Variants in CDA observed in about 807,000 individuals in gnomAD.
CDA encodes cytidine deaminase.
A neutral mutation model predicts 15.0 loss-of-function variants in CDA; 7 were observed. The observed-to-expected ratio is 0.47, with a 90% confidence interval of 0.26 to 0.87. The LOEUF (loss-of-function observed/expected upper bound fraction) is 0.87. Ranked by LOEUF, CDA falls within the 40% of genes least tolerant of loss-of-function variation. CDA has a pLI of 0.15. For missense variants in CDA, 159 were observed against 182.7 expected (o/e 0.87, Z 0.75); for synonymous variants, 58 against 73.0 (o/e 0.79, Z 1.05).
Position 20,609,251 on chromosome 1 carries a change from G to A in CDA, c.266+4212G>A, listed in dbSNP as rs577148715. Among the ~76,000 whole-genome samples the A allele has an allele frequency of 7.9e-5, 12 of 152,276 alleles. No individual in the cohort carries two copies. In the South Asian group the frequency reaches 1.2e-3, roughly 16 times the overall value. On this transcript the variant is annotated intron_variant, in intron 2 of 3. Coordinates refer to ENST00000375071, the MANE Select transcript of CDA (RefSeq NM_001785.3). ...TATAATCCCAGCACTTTGGAAGGCC[G>A]AGGCAGGCGGATCATGAGGTCAGGA...
In CDA at chr1:20,609,955, A is replaced by G. The variant is rs150116797; in HGVS notation, c.267-3887A>G. ...TTTCATTGACTGGACCCCCACATGT[A>G]AAAGGTAGTAATGGTGAGGATTAGA... is the stretch of plus-strand genomic sequence containing the variant. On this transcript the variant is annotated intron_variant, in intron 2 of 3. Coordinates refer to ENST00000375071, the MANE Select transcript of CDA (RefSeq NM_001785.3). Among the ~76,000 whole-genome samples the G allele has an allele frequency of 1.6e-3, 241 of 152,312 alleles. 1 individual carries two copies. Among genetic ancestry groups the G allele is most frequent in the African/African-American group, 5.3e-3 (219 of 41,572 alleles).
chr1:20,608,070 AG>A (rs151184069), intron 2 of CDA, among the ~76,000 whole-genome samples: 15,769 of 152,220 alleles, frequency 0.1, 985 homozygotes, highest in East Asian at 0.18. Context: ...GTAAATAGCC[AG>A]CAAAAGGCAG....
At chr1:20,598,010 C>T (rs2052605405) in intron 1 of CDA, among the ~76,000 whole-genome samples, 1 of 151,854 alleles carries the variant, frequency 6.6e-6, no homozygotes, top group African/African-American at 2.4e-5. Flanking sequence ...GAAAATTCCA[C>T]TCTTTCAATA....
At position 20,599,632 on chromosome 1, in the gene CDA, T is replaced by TAAAATAAAATAAAATAAAATAAAAC. The variant is rs1476017023; in HGVS notation, c.155-5277_155-5276insTAAAACAAAATAAAATAAAATAAAA. On this transcript the variant is annotated intron_variant, in intron 1 of 3. Coordinates refer to ENST00000375071, the MANE Select transcript of CDA (RefSeq NM_001785.3). ...ACTCCGTCTCCAAAATAAAATAAAATAAAATAAAATAAAATAAAACAAAAT... is the reference window on the plus strand; with the variant it reads ...ACTCCGTCTCCAAAATAAAATAAAATAAAATAAAATAAAATAAAATAAAACAAAATAAAATAAAATAAAACAAAAT... 6.3e-3 allele frequency among the ~76,000 whole-genome samples: 912 copies of TAAAATAAAATAAAATAAAATAAAAC among 145,722 alleles called. 14 individuals carry two copies. The highest frequency in any genetic ancestry group is 0.022 in the African/African-American group (815 of 37,380).
chr1:20,597,894 C>CTTT (rs35045423), intron 1 of CDA, among the ~76,000 whole-genome samples: 1 of 138,716 alleles, frequency 7.2e-6, no homozygotes, highest in African/African-American at 2.7e-5. Flanking sequence ...TTTTATTTGC[C>CTTT]TTTTTTTTTT....
intron 2 of CDA, among the ~76,000 whole-genome samples, chr1:20,612,185 C>T (rs535306900): frequency 6.6e-6 from 1 of 152,270 alleles, no homozygotes; most frequent in African/African-American, 2.4e-5. Flanking sequence ...TTATTTCCTT[C>T]GCCTACGACA....
chr1:20,610,730 C>T (rs1236641886), intron 2 of CDA, among the ~76,000 whole-genome samples: 2 of 152,094 alleles, frequency 1.3e-5, no homozygotes, highest in African/African-American at 4.8e-5. Flanking sequence ...AATAAATGTC[C>T]AGCACTTAGA....
At chr1:20,605,659 C>CA (rs59282672) in intron 2 of CDA, among the ~76,000 whole-genome samples, 37 of 102,806 alleles carry the variant, frequency 3.6e-4, no homozygotes, top group Admixed American at 8.4e-4. Context: ...GACTCCGTCT[C>CA]AAAAAAAAAA....
intron 1 of CDA, among the ~76,000 whole-genome samples, chr1:20,596,372 T>G (rs895942308): frequency 1.2e-4 from 18 of 152,034 alleles, no homozygotes; most frequent in African/African-American, 4.3e-4. Flanking sequence ...CCTGGGAACT[T>G]GTGAAAATTT....
chr1:20,610,108 G>A lies in CDA; in HGVS notation c.267-3734G>A, dbSNP rs1157285955. 2.0e-5 allele frequency among the ~76,000 whole-genome samples: 3 copies of A among 152,152 alleles called. No individual in the cohort carries two copies. In the South Asian group the frequency reaches 6.2e-4, roughly 32 times the overall value. ...TCCCCTCACTAGTCTATAAACTCCT[G>A]AGCATAGTGAATTTTGTCTGTTTTG... On this transcript the variant is annotated intron_variant, in intron 2 of 3. Coordinates refer to ENST00000375071, the MANE Select transcript of CDA (RefSeq NM_001785.3).
intron 1 of CDA, among the ~76,000 whole-genome samples, chr1:20,599,690 C>T (rs2052624575): frequency 1.1e-5 from 1 of 93,264 alleles, no homozygotes; most frequent in African/African-American, 4.0e-5. Context: ...TTTCAAAGTG[C>T]CTGAAGGACA....
At position 20,613,900 on chromosome 1, in the gene CDA, GTAAGCAGCTTCTCTTGCTGTC is replaced by G; in HGVS notation, c.324+3_324+23del. 6.2e-7 allele frequency: 1 copy of G among 1,613,586 alleles called. No homozygotes were observed. ...GGCCTGCAGGCAAGTCATGAGAGAGGTAAGCAGCTTCTCTTGCTGTCTGGAATGCAAATATCTTCCCTGTCG... is the reference window on the plus strand; with the variant it reads ...GGCCTGCAGGCAAGTCATGAGAGAGGTGGAATGCAAATATCTTCCCTGTCG... On this transcript the variant is annotated splice_donor_variant and splice_donor_5th_base_variant and intron_variant, in intron 3 of 3. Transcript: ENST00000375071. LOFTEE classifies it high-confidence loss of function.
Position 20,589,247 on chromosome 1 carries a change from G to A in CDA, c.118G>A (p.Ala40Thr), listed in dbSNP as rs149993022. ...YCPYSHFPVG[A>T]ALLTQEGRIF... ...CCCCTACAGTCACTTTCCTGTGGGG[G>A]CTGCCCTGCTCACCCAGGAGGGGAG... is the stretch of plus-strand genomic sequence containing the variant. Residue 40 changes from alanine to threonine, a missense_variant, in exon 1 of 4, where the codon GCT becomes ACT. Physicochemically the swap from Ala to Thr is moderately conservative, Grantham distance 58 (BLOSUM62 0). Coordinates refer to ENST00000375071, the MANE Select transcript of CDA (RefSeq NM_001785.3). The A allele has an allele frequency of 2.5e-6, 4 of 1,614,158 alleles. No individual in the cohort carries two copies. The highest frequency in any genetic ancestry group is 2.2e-5 in the East Asian group (1 of 44,888).
In CDA at chr1:20,605,768, G is replaced by A. The variant is rs1187572084; in HGVS notation, c.266+729G>A. 2.9e-4 allele frequency among the ~76,000 whole-genome samples: 36 copies of A among 122,690 alleles called. 9 individuals are homozygous for A. The highest frequency in any genetic ancestry group is 2.0e-4 in the Non-Finnish European group (11 of 55,376). 80.5% of individuals were successfully genotyped at this position (122,690 alleles called of 152,430 possible). On this transcript the variant is annotated intron_variant, in intron 2 of 3. Transcript: ENST00000375071. ...GAGCCTGGGAGTTCGAGGCTGGAAT[G>A]AGCCATGATTATGCCATTGCACTCC...
chr1:20,602,761 C>T (rs1342752810), intron 1 of CDA, among the ~76,000 whole-genome samples: 9 of 152,160 alleles, frequency 5.9e-5, no homozygotes, highest in African/African-American at 1.9e-4. Context: ...GCTTCTTTGG[C>T]GATCCAATTC....
At chr1:20,593,276 G>T (rs1445195006) in intron 1 of CDA, among the ~76,000 whole-genome samples, 1 of 152,132 alleles carries the variant, frequency 6.6e-6, no homozygotes, top group Non-Finnish European at 1.5e-5. Context: ...ACAATGGAGT[G>T]AGCTCACTAA....
intron 2 of CDA, among the ~76,000 whole-genome samples, chr1:20,612,412 TC>T (rs77083707): frequency 0.11 from 16,973 of 151,636 alleles, 1,067 homozygotes; most frequent in East Asian, 0.18. Flanking sequence ...ATTTGTTCCT[TC>T]CCCACCCCAA....
intron 1 of CDA, among the ~76,000 whole-genome samples, chr1:20,591,748 G>T (rs1398743729): frequency 6.6e-6 from 1 of 152,180 alleles, no homozygotes; most frequent in African/African-American, 2.4e-5. Flanking sequence ...GAGGTTCCTG[G>T]GTTGGAAGGC....
intron 2 of CDA, 28 bp downstream of exon 2, chr1:20,605,067 T>C: frequency 1.6e-6 from 2 of 1,260,454 alleles, no homozygotes; most frequent in Non-Finnish European, 1.2e-6. Context: ...GTTGCAACAA[T>C]ATTCATTCAT....
Sources: allele counts gnomAD v4.1 joint callset (sites outside exome capture counted in the v4.1 genomes callset), GRCh38; gene constraint gnomAD v4.1.1; transcripts MANE v1.5; gene names NCBI Gene and HGNC (gene_info 2026-07-23, HGNC 2026-07-21).